Variants in GRAMD2A observed in about 807,000 individuals in gnomAD.
GRAMD2A encodes GRAM domain containing 2A.
A neutral mutation model predicts 51.1 loss-of-function variants in GRAMD2A; 37 were observed. The ratio of observed to expected loss-of-function variants is 0.72; its 90% CI spans 0.56 to 0.95. GRAMD2A has a LOEUF of 0.95. Among genes scored for constraint, GRAMD2A ranks in the 40% least tolerant of loss-of-function variants. The pLI, the probability that GRAMD2A is intolerant of heterozygous loss-of-function variation, is 0.00. For missense variants in GRAMD2A, 414 were observed against 426.9 expected (o/e 0.97, Z 0.27); for synonymous variants, 136 against 157.1 (o/e 0.87, Z 1.01).
At chr15:72,188,645 T>C (rs1421082667) in intron 1 of GRAMD2A, among the ~76,000 whole-genome samples, 1 of 152,168 alleles carries the variant, frequency 6.6e-6, no homozygotes, top group Non-Finnish European at 1.5e-5. Flanking sequence ...CATGTTTTTT[T>C]GTTTTCTTTA....
In GRAMD2A at chr15:72,168,546, G is replaced by A; in HGVS notation, c.213C>T (p.Asn71=). The change falls in exon 4 of 12, where the codon AAC becomes AAT. Residue 71 remains asparagine (N), a synonymous_variant. Transcript: ENST00000309731. ...GREGITLNKY[N]QQYHKLFKDV... ...CCTTAAACAGCTTGTGGTATTGCTG[G>A]TTGTATTTATTCAGTGTTATCTGCA... 6.2e-7 allele frequency: 1 copy of A among 1,613,800 alleles called. No individual in the cohort carries two copies. Among genetic ancestry groups the A allele is most frequent in the Non-Finnish European group, 8.5e-7 (1 of 1,179,796 alleles).
At chr15:72,186,405 A>C (rs2081734463) in intron 1 of GRAMD2A, among the ~76,000 whole-genome samples, 2 of 151,724 alleles carry the variant, frequency 1.3e-5, no homozygotes, top group Admixed American at 1.3e-4. Context: ...GCTCACTGCA[A>C]CCTCCACCTC....
intron 1 of GRAMD2A, among the ~76,000 whole-genome samples, chr15:72,180,141 G>A (rs750493727): frequency 4.6e-5 from 7 of 152,240 alleles, no homozygotes; most frequent in Non-Finnish European, 8.8e-5. Context: ...GAGACAGACA[G>A]GGACAAACAG....
intron 1 of GRAMD2A, among the ~76,000 whole-genome samples, chr15:72,190,793 G>C (rs4777492): frequency 6.6e-6 from 1 of 152,150 alleles, no homozygotes; most frequent in African/African-American, 2.4e-5. Context: ...ACTTTTATTA[G>C]ACTCTCAACG....
intron 11 of GRAMD2A, 63 bp downstream of exon 11, chr15:72,162,210 A>T: frequency 1.4e-6 from 2 of 1,421,434 alleles, no homozygotes; most frequent in Non-Finnish European, 2.0e-6. Context: ...GCCTGGCCTG[A>T]GGTTCTTGGC....
intron 1 of GRAMD2A, among the ~76,000 whole-genome samples, chr15:72,184,482 G>A (rs998946106): frequency 6.6e-6 from 1 of 152,236 alleles, no homozygotes; most frequent in Non-Finnish European, 1.5e-5. Flanking sequence ...CCCGGGAAAA[G>A]GAGCGCGCGC....
intron 1 of GRAMD2A, among the ~76,000 whole-genome samples, chr15:72,177,267 T>C (rs2081660786): frequency 6.6e-6 from 1 of 152,144 alleles, no homozygotes; most frequent in African/African-American, 2.4e-5. Flanking sequence ...TTTCTTAAAT[T>C]GTTGTTGAAG....
At chr15:72,195,737 T>C (rs1304789699) in intron 1 of GRAMD2A, among the ~76,000 whole-genome samples, 1 of 151,996 alleles carries the variant, frequency 6.6e-6, no homozygotes, top group Non-Finnish European at 1.5e-5. Flanking sequence ...CTGACCAACA[T>C]GGAGAAACCC....
At chr15:72,184,452 G>C (rs1258770072) in intron 1 of GRAMD2A, among the ~76,000 whole-genome samples, 19 of 152,214 alleles carry the variant, frequency 1.2e-4, no homozygotes, top group Admixed American at 1.2e-3. Flanking sequence ...TGCCGCAGCC[G>C]TGCCCCCACC....
intron 1 of GRAMD2A, among the ~76,000 whole-genome samples, chr15:72,193,611 C>T (rs1433000410): frequency 1.3e-5 from 2 of 152,102 alleles, no homozygotes; most frequent in African/African-American, 4.8e-5. Context: ...CAAGCTCCGC[C>T]TCCCAGGTTC....
chr15:72,171,595 T>C (rs1261244686), intron 1 of GRAMD2A, among the ~76,000 whole-genome samples: 2 of 152,176 alleles, frequency 1.3e-5, no homozygotes, highest in Admixed American at 6.5e-5. Flanking sequence ...TGAAGGTGCC[T>C]GTTTCCCCAT....
At chr15:72,180,966 C>T (rs930707340) in intron 1 of GRAMD2A, among the ~76,000 whole-genome samples, 1 of 152,204 alleles carries the variant, frequency 6.6e-6, no homozygotes, top group African/African-American at 2.4e-5. Flanking sequence ...CCTGACTCAA[C>T]CATGGAGGGC....
chr15:72,170,511 C>A lies in GRAMD2A; in HGVS notation c.42-572G>T. On this transcript the variant is annotated intron_variant, in intron 1 of 11. Transcript: ENST00000309731. The surrounding 1 kb of genome is among the most constrained non-coding windows in gnomAD (Gnocchi z 4.5). ...GTCTTATACCAGGAAGTGGCCTCAG[C>A]CACCTTGGACAGTCAGGACAGCTTG... The A allele has an allele frequency of 2.3e-6, 1 of 432,276 alleles. No individual in the cohort carries two copies. Among genetic ancestry groups the A allele is most frequent in the Non-Finnish European group, 4.6e-6 (1 of 215,364 alleles). 26.8% of individuals were successfully genotyped at this position (432,276 alleles called of 1,614,324 possible).
intron 1 of GRAMD2A, among the ~76,000 whole-genome samples, chr15:72,178,699 G>T (rs548437918): frequency 6.7e-6 from 1 of 148,954 alleles, no homozygotes; most frequent in Non-Finnish European, 1.5e-5. Flanking sequence ...CTCAGCCTCC[G>T]GAGTAGCTGG....
intron 1 of GRAMD2A, among the ~76,000 whole-genome samples, chr15:72,183,600 C>T (rs978312700): frequency 1.3e-5 from 2 of 151,826 alleles, no homozygotes; most frequent in East Asian, 3.9e-4. Flanking sequence ...GAGGCCGAGG[C>T]AGGTGAATCA....
chr15:72,182,389 A>C (rs946511716), intron 1 of GRAMD2A, among the ~76,000 whole-genome samples: 1 of 150,228 alleles, frequency 6.7e-6, no homozygotes, highest in African/African-American at 2.5e-5. Context: ...AAAAAAACCC[A>C]AAATTTGCTA....
intron 1 of GRAMD2A, among the ~76,000 whole-genome samples, chr15:72,187,721 C>G (rs1379053407): frequency 2.6e-5 from 4 of 152,112 alleles, no homozygotes; most frequent in Admixed American, 2.0e-4. Flanking sequence ...GCCATGTTGG[C>G]CAGGCTAGTC....
chr15:72,183,491 G>C (rs985417098), intron 1 of GRAMD2A, among the ~76,000 whole-genome samples: 1 of 151,700 alleles, frequency 6.6e-6, no homozygotes, highest in African/African-American at 2.4e-5. Context: ...CTCCAGCCTG[G>C]GCGACAGAGC....
chr15:72,189,049 C>G (rs2081751521), intron 1 of GRAMD2A, among the ~76,000 whole-genome samples: 1 of 152,096 alleles, frequency 6.6e-6, no homozygotes, highest in Admixed American at 6.6e-5. Context: ...TCAAACAAAA[C>G]AAAGTATTCA....
Sources: allele counts gnomAD v4.1 joint callset (sites outside exome capture counted in the v4.1 genomes callset), GRCh38; gene constraint gnomAD v4.1.1; non-coding constraint Gnocchi (gnomAD v3.1); transcripts MANE v1.5; gene names NCBI Gene and HGNC (gene_info 2026-07-23, HGNC 2026-07-21).